Variants in INPP5F observed in about 807,000 individuals in gnomAD.
INPP5F encodes the protein phosphatidylinositide 4-phosphatase SAC2.
A neutral mutation model predicts 137.2 loss-of-function variants in INPP5F; 97 were observed. That is an observed-to-expected ratio of 0.71 (90% CI 0.60 to 0.84). The LOEUF (loss-of-function observed/expected upper bound fraction) is 0.84. Among genes scored for constraint, INPP5F ranks in the 40% least tolerant of loss-of-function variants. INPP5F has a pLI of 0.00. For synonymous variants in INPP5F, 504 were observed against 476.9 expected, an observed-to-expected ratio of 1.06 and a Z score of -0.74; for missense variants, 1,271 against 1,371.9, an observed-to-expected ratio of 0.93 and a Z score of 1.16.
chr10:119,763,890 A>G (rs1326597238), intron 2 of INPP5F, among the ~76,000 whole-genome samples: 2 of 152,212 alleles, frequency 1.3e-5, no homozygotes, highest in Non-Finnish European at 2.9e-5. Context: ...CCTCCCTTCC[A>G]CAAAATACTA....
At chr10:119,770,985 G>A (rs1353741477) in intron 2 of INPP5F, among the ~76,000 whole-genome samples, 1 of 152,132 alleles carries the variant, frequency 6.6e-6, no homozygotes, top group South Asian at 2.1e-4. Flanking sequence ...CTTTTAAAGT[G>A]TGCAGTTAAG....
intron 2 of INPP5F, among the ~76,000 whole-genome samples, chr10:119,775,733 G>C (rs1160193617): frequency 6.6e-6 from 1 of 152,106 alleles, no homozygotes; most frequent in East Asian, 1.9e-4. Flanking sequence ...CCTAAGTGGT[G>C]GGTGGATTTG....
chr10:119,766,492 A>G (rs1849168608), intron 2 of INPP5F, among the ~76,000 whole-genome samples: 1 of 152,228 alleles, frequency 6.6e-6, no homozygotes, highest in Admixed American at 6.5e-5. Context: ...AAAACCAACT[A>G]TAAATACAAG....
At position 119,741,104 on chromosome 10, in the gene INPP5F, T is replaced by C. The variant is rs1564801869; in HGVS notation, c.98-9972T>C. Among the ~76,000 whole-genome samples the C allele has an allele frequency of 2.6e-5, 4 of 152,318 alleles. No homozygotes were observed. In the South Asian group the frequency reaches 6.2e-4, roughly 24 times the overall value. On this transcript the variant is annotated intron_variant, in intron 1 of 19. Transcript: ENST00000650623. ...AGGGGTTCAGAGACTGTAGTAGAGC[T>C]AGGATTCTTCACCCAGGACACCAAA...
Position 119,828,047 on chromosome 10 carries a change from T to A in INPP5F, c.*267T>A. ...GAAAGTAATTCAGCAACAGGTCACTTTGGGATATAACCTGAACCTTTTTTT... is the reference window on the plus strand; with the variant it reads ...GAAAGTAATTCAGCAACAGGTCACTATGGGATATAACCTGAACCTTTTTTT... On this transcript the variant is annotated 3_prime_UTR_variant, in exon 20 of 20. Coordinates refer to ENST00000650623, the MANE Select transcript of INPP5F (RefSeq NM_014937.4). The A allele has an allele frequency of 3.2e-6, 1 of 317,132 alleles. No homozygotes were observed. Among genetic ancestry groups the A allele is most frequent in the Non-Finnish European group, 5.9e-6 (1 of 170,914 alleles). 19.6% of individuals were successfully genotyped at this position (317,132 alleles called of 1,614,324 possible).
intron 1 of INPP5F, among the ~76,000 whole-genome samples, chr10:119,737,240 C>T (rs1486271960): frequency 1.3e-5 from 2 of 152,182 alleles, no homozygotes; most frequent in Admixed American, 6.5e-5. Context: ...TATGCCGCCT[C>T]CCTATATTAT....
At position 119,829,115 on chromosome 10, in the gene INPP5F, A is replaced by C. The variant is rs1490262440; in HGVS notation, c.*1335A>C. The C allele has an allele frequency of 6.6e-6, 1 of 152,424 alleles. No homozygotes were observed. Among genetic ancestry groups the C allele is most frequent in the Non-Finnish European group, 1.5e-5 (1 of 68,004 alleles). The allele number at this position is 152,424 out of a possible 1,614,324, so 9.4% of individuals were successfully genotyped here. On this transcript the variant is annotated 3_prime_UTR_variant, in exon 20 of 20. Transcript: ENST00000650623. ...TTTTTACGTGTTAAATCTTGTGATT[A>C]TTAAAATAAAGTACCATTGTAATTT...
intron 1 of INPP5F, among the ~76,000 whole-genome samples, chr10:119,742,152 C>CTTATTTAT (rs59040706): frequency 0.93 from 139,142 of 150,152 alleles, 64,578 homozygotes; most frequent in South Asian, 0.97. Context: ...TGTTATTTTA[C>CTTATTTAT]TTATTTATTT....
intron 3 of INPP5F, among the ~76,000 whole-genome samples, chr10:119,784,377 T>C (rs1041216400): frequency 1.3e-5 from 2 of 152,248 alleles, no homozygotes; most frequent in African/African-American, 4.8e-5. Flanking sequence ...TTTTGCACTT[T>C]TACATATTTC....
intron 1 of INPP5F, among the ~76,000 whole-genome samples, chr10:119,749,971 T>C (rs1020778120): frequency 2.0e-5 from 3 of 152,196 alleles, no homozygotes; most frequent in African/African-American, 7.2e-5. Context: ...GGTTTCACCA[T>C]GTGGGCCAGC....
rs1282966926 is a variant in INPP5F at position 119,828,156 on chromosome 10, G to GT, written c.*379dup. 6.0e-6 allele frequency: 1 copy of GT among 167,744 alleles called. No individual in the cohort carries two copies. The highest frequency in any genetic ancestry group is 2.4e-5 in the African/African-American group (1 of 41,610). 10.4% of individuals were successfully genotyped at this position (167,744 alleles called of 1,614,324 possible). ...ATTAGCGTTTTTCATAATTTGTTCT[G>GT]TTTGTCAGTTCATTCCTGTGTGTTC... On this transcript the variant is annotated 3_prime_UTR_variant, in exon 20 of 20. Transcript: ENST00000650623.
intron 18 of INPP5F, 116 bp from the exon 19 acceptor site, chr10:119,823,698 TA>T: frequency 1.5e-6 from 1 of 648,982 alleles, no homozygotes; most frequent in Non-Finnish European, 2.5e-6. Flanking sequence ...TCGAAGCAAA[TA>T]AATTTGTATT....
At chr10:119,732,773 A>G (rs1848120639) in intron 1 of INPP5F, among the ~76,000 whole-genome samples, 1 of 152,172 alleles carries the variant, frequency 6.6e-6, no homozygotes, top group East Asian at 1.9e-4. Flanking sequence ...AAGTGCTGGC[A>G]TTACAGGCGT....
intron 2 of INPP5F, among the ~76,000 whole-genome samples, chr10:119,771,867 TATATATATATATATA>T (rs1463763766): frequency 0.027 from 404 of 14,804 alleles, 7 homozygotes; most frequent in Non-Finnish European, 0.049. Flanking sequence ...TATATATATA[TATATATATATATATA>T]TTTTTTTTTT....
At position 119,748,838 on chromosome 10, in the gene INPP5F, G is replaced by T. The variant is rs537816865; in HGVS notation, c.98-2238G>T. 1.3e-5 allele frequency among the ~76,000 whole-genome samples: 2 copies of T among 152,188 alleles called. No homozygotes were observed. Among genetic ancestry groups the T allele is most frequent in the Non-Finnish European group, 2.9e-5 (2 of 68,036 alleles). On this transcript the variant is annotated intron_variant, in intron 1 of 19. Coordinates refer to ENST00000650623, the MANE Select transcript of INPP5F (RefSeq NM_014937.4). This position sits in a 1 kb window ranked among gnomAD's most constrained non-coding sequence, Gnocchi z 4.7. ...GACCCCAGGCTTCAGGTTGTCCCTG[G>T]CTTGAAGGTGGGGTTTTACCTGTGA...
At chr10:119,804,873 G>A (rs761601927) in intron 10 of INPP5F, among the ~76,000 whole-genome samples, 4 of 151,848 alleles carry the variant, frequency 2.6e-5, no homozygotes, top group Non-Finnish European at 4.4e-5. Flanking sequence ...ACTACGGCAC[G>A]CTCCACTATG....
chr10:119,801,545 A>G (rs1850593497), intron 9 of INPP5F, among the ~76,000 whole-genome samples: 2 of 152,164 alleles, frequency 1.3e-5, no homozygotes, highest in Admixed American at 6.5e-5. Flanking sequence ...TGTAATTATA[A>G]GTAGATATAA....
chr10:119,819,951 G>A (rs1851486954), intron 15 of INPP5F: 1 of 153,828 alleles, frequency 6.5e-6, no homozygotes, highest in Non-Finnish European at 1.4e-5. Context: ...ATAAGGTCTA[G>A]GGAATAGGTA....
chr10:119,820,627 A>C (rs1259679426), intron 15 of INPP5F, among the ~76,000 whole-genome samples: 1 of 152,050 alleles, frequency 6.6e-6, no homozygotes, highest in African/African-American at 2.4e-5. Flanking sequence ...TCTACGCTCC[A>C]TCCCTCACTT....
Sources: allele counts gnomAD v4.1 joint callset (sites outside exome capture counted in the v4.1 genomes callset), GRCh38; gene constraint gnomAD v4.1.1; non-coding constraint Gnocchi (gnomAD v3.1); transcripts MANE v1.5; gene names NCBI Gene and HGNC (gene_info 2026-07-23, HGNC 2026-07-21).